SSPN: variants seen among roughly 807,000 people sequenced by gnomAD.
The protein encoded by SSPN is K-ras oncogene-associated protein.
Under a neutral mutation model 19.1 loss-of-function variants are expected in SSPN, and 15 were observed. That is an observed-to-expected ratio of 0.78 (90% CI 0.52 to 1.21). The LOEUF is 1.21. Ranked by LOEUF, SSPN falls within the 50% of genes most tolerant of loss-of-function variation. SSPN has a pLI of 0.00. For synonymous variants in SSPN, 147 were observed against 140.3 expected (o/e 1.05, Z -0.34); for missense variants, 291 against 314.0 (o/e 0.93, Z 0.55).
chr12:26,192,744 C>T (rs554778518), upstream of SSPN, among the ~76,000 whole-genome samples: 4 of 152,216 alleles, frequency 2.6e-5, no homozygotes, highest in African/African-American at 4.8e-5. Context: ...AATTTCAGTG[C>T]GTCTGGGATG....
At position 26,230,745 on chromosome 12, in the gene SSPN, C is replaced by T. The variant is rs34055748; in HGVS notation, c.401C>T (p.Thr134Met). The part of the protein sequence containing the change: ...LYFLLSALGL[T>M]VCVLAVAFAA... ...TTTCTGCTGAGTGCCCTGGGCCTGA[C>T]GGTCTGTGTGCTGGCCGTGGCCTTT... Residue 134 changes from threonine to methionine, a missense_variant, in exon 3 of 3, where the codon ACG (threonine) becomes ATG (methionine). Transcript: ENST00000242729. 2,450 of 1,614,054 alleles carry T rather than the reference C, an allele frequency of 1.5e-3. 33 individuals carry two copies. The African/African-American group carries it at 0.028, about 18-fold the overall frequency.
At chr12:26,176,463 A>T (rs1944684473) in intron 1 of SSPN, among the ~76,000 whole-genome samples, 1 of 152,188 alleles carries the variant, frequency 6.6e-6, no homozygotes, top group South Asian at 2.1e-4. Context: ...ATTAAGACAA[A>T]CTCTAAATAA....
At chr12:26,137,650 ATATATATTTTTTTTTTTTTTTTTT>A (rs1184565824) in intron 1 of SSPN, among the ~76,000 whole-genome samples, 1 of 46,008 alleles carries the variant, frequency 2.2e-5, no homozygotes, top group Non-Finnish European at 4.1e-5. Flanking sequence ...ATATATATAT[ATATATATTTTTTTTTTTTTTTTTT>A]TTTTTTTTGA....
intron 1 of SSPN, among the ~76,000 whole-genome samples, chr12:26,185,654 C>T (rs1406541560): frequency 6.6e-6 from 1 of 152,178 alleles, no homozygotes; most frequent in East Asian, 1.9e-4. Flanking sequence ...AACCAGTAGG[C>T]CCACCCTGAC....
At position 26,225,909 on chromosome 12, in the gene SSPN, A is replaced by G. The variant is rs189085386; in HGVS notation, c.366+1530A>G. Among the ~76,000 whole-genome samples the G allele has an allele frequency of 7.9e-5, 12 of 152,180 alleles. No individual in the cohort carries two copies. The East Asian group carries it at 1.7e-3, about 22-fold the overall frequency. ...GATGATCCCAGAAAACAGCAGAGTC[A>G]AAAGCATCAGCTTAAGAGAGACCCC... On this transcript the variant is annotated intron_variant, in intron 2 of 2. Transcript: ENST00000242729.
At chr12:26,185,875 C>T (rs1335240467) in intron 1 of SSPN, among the ~76,000 whole-genome samples, 1 of 152,154 alleles carries the variant, frequency 6.6e-6, no homozygotes, top group African/African-American at 2.4e-5. Flanking sequence ...ATGACACTTC[C>T]CTGATTATGT....
intron 1 of SSPN, among the ~76,000 whole-genome samples, chr12:26,127,076 T>A (rs942621361): frequency 1.3e-5 from 2 of 152,162 alleles, no homozygotes; most frequent in African/African-American, 4.8e-5. Context: ...GGTGAATAAT[T>A]TAAAAATTAA....
At chr12:26,208,083 A>AT (rs1223586958) in intron 1 of SSPN, among the ~76,000 whole-genome samples, 1 of 151,960 alleles carries the variant, frequency 6.6e-6, no homozygotes, top group African/African-American at 2.4e-5. Context: ...TTCAAAAATG[A>AT]TTTTTTATTT....
chr12:26,186,936 T>C (rs745659170), intron 1 of SSPN, among the ~76,000 whole-genome samples: 1 of 152,168 alleles, frequency 6.6e-6, no homozygotes, highest in African/African-American at 2.4e-5. Context: ...CTCTCTTTCT[T>C]CCCCCTTCCC....
chr12:26,233,352 AC>A lies in SSPN; in HGVS notation c.*2277del, dbSNP rs1249076123. On this transcript the variant is annotated 3_prime_UTR_variant, in exon 3 of 3. Coordinates refer to ENST00000242729, the MANE Select transcript of SSPN (RefSeq NM_005086.5). This position sits in a 1 kb window ranked among gnomAD's most constrained non-coding sequence, Gnocchi z 4.3. ...AGGAGATATATATATATATATATACACATACACACACACACACACATATATA... is the reference window on the plus strand; with the variant it reads ...AGGAGATATATATATATATATATACAATACACACACACACACACATATATA... The A allele has an allele frequency of 6.8e-6, 1 of 147,468 alleles. No homozygotes were observed. The highest frequency in any genetic ancestry group is 1.5e-5 in the Non-Finnish European group (1 of 67,758). The allele number at this position is 147,468 out of a possible 1,614,324, so 9.1% of individuals were successfully genotyped here. A position where few individuals can be genotyped will look rare whatever the true frequency, so the allele number is the denominator to read the frequency against.
intron 1 of SSPN, among the ~76,000 whole-genome samples, chr12:26,159,591 A>G (rs373141618): frequency 1.3e-5 from 2 of 152,330 alleles, no homozygotes; most frequent in African/African-American, 4.8e-5. Flanking sequence ...AGGGTGGCTC[A>G]TGTTTTAAGA....
intron 1 of SSPN, among the ~76,000 whole-genome samples, chr12:26,187,693 A>T (rs1469516056): frequency 1.3e-5 from 2 of 152,214 alleles, no homozygotes; most frequent in Non-Finnish European, 1.5e-5. Flanking sequence ...ATGCACTTAT[A>T]GAAGAAAAAG....
rs561942456 is a variant in SSPN, at chr12:26,228,883, C to T, written c.367-1828C>T. On this transcript the variant is annotated intron_variant, in intron 2 of 2. Coordinates refer to ENST00000242729, the MANE Select transcript of SSPN (RefSeq NM_005086.5). Reference sequence around the variant, plus strand: ...ATTGAGGGCCAGACGAAGTGGTTCACGGCTCTAATCTCAATACTTTGGGAG... The same window carrying T: ...ATTGAGGGCCAGACGAAGTGGTTCATGGCTCTAATCTCAATACTTTGGGAG... 2.4e-3 allele frequency among the ~76,000 whole-genome samples: 364 copies of T among 152,184 alleles called. 2 individuals carry two copies. The highest frequency in any genetic ancestry group is 3.9e-3 in the Non-Finnish European group (262 of 67,990).
intron 1 of SSPN, among the ~76,000 whole-genome samples, chr12:26,202,881 A>G (rs532765348): frequency 4.1e-4 from 62 of 152,348 alleles, no homozygotes; most frequent in African/African-American, 1.4e-3. Context: ...TAAAGATACT[A>G]CGTGAGACTA....
Position 26,123,941 on chromosome 12 carries a change from ACT to A in SSPN, c.-31+1792_-31+1793del, listed in dbSNP as rs555499142. ...GAGCACCTACTCCAGTTTGCGGGAA[ACT>A]CTGTACGGTATAGCACAAGTTTTAA... On this transcript the variant is annotated intron_variant, in intron 1 of 2. Coordinates refer to the SSPN transcript ENST00000538142. The A allele has an allele frequency of 3.2e-4, 249 of 785,752 alleles. 2 individuals are homozygous for A. The highest frequency in any genetic ancestry group is 3.6e-4 in the Non-Finnish European group (168 of 466,966). 48.7% of individuals were successfully genotyped at this position (785,752 alleles called of 1,614,324 possible).
chr12:26,161,568 A>T (rs1944589123), intron 1 of SSPN, among the ~76,000 whole-genome samples: 1 of 152,084 alleles, frequency 6.6e-6, no homozygotes, highest in African/African-American at 2.4e-5. Flanking sequence ...TTTATGATTT[A>T]CTTATTTATT....
intron 1 of SSPN, among the ~76,000 whole-genome samples, chr12:26,148,424 TTTAG>T: frequency 6.6e-6 from 1 of 152,220 alleles, no homozygotes; most frequent in African/African-American, 2.4e-5. Context: ...TGTTGAATGC[TTTAG>T]AACTGAATTT....
At chr12:26,141,747 T>C (rs978585542) in intron 1 of SSPN, among the ~76,000 whole-genome samples, 22 of 152,228 alleles carry the variant, frequency 1.4e-4, no homozygotes, top group African/African-American at 5.1e-4. Context: ...CTTCAGGAAG[T>C]CAGGTACCTA....
chr12:26,144,428 A>C (rs1944478059), intron 1 of SSPN, among the ~76,000 whole-genome samples: 1 of 152,224 alleles, frequency 6.6e-6, no homozygotes, highest in African/African-American at 2.4e-5. Context: ...ATGTTACTGT[A>C]GCCCTAGTAA....
Sources: gnomAD v4.1 joint callset for allele counts (sites outside exome capture counted in the v4.1 genomes callset) on GRCh38, gnomAD v4.1.1 for gene constraint, Gnocchi (gnomAD v3.1) non-coding constraint, MANE v1.5 for transcripts, NCBI Gene and HGNC (gene_info 2026-07-23, HGNC 2026-07-21) for gene names.